SDK2: variants seen among roughly 807,000 people sequenced by gnomAD.
SDK2 encodes the protein protein sidekick-2.
Under a neutral mutation model 253.9 loss-of-function variants are expected in SDK2, and 105 were observed. That is an observed-to-expected ratio of 0.41 (90% CI 0.35 to 0.49). The LOEUF is 0.49. Among genes scored for constraint, SDK2 ranks in the 20% least tolerant of loss-of-function variants. SDK2 has a pLI of 0.06. For missense variants in SDK2, 2,608 were observed against 3,003.0 expected (o/e 0.87, Z 3.07); for synonymous variants, 1,249 against 1,234.9 (o/e 1.01, Z -0.24).
chr17:73,466,045 T>C (rs2063594743), intron 3 of SDK2, among the ~76,000 whole-genome samples: 1 of 152,190 alleles, frequency 6.6e-6, no homozygotes. Flanking sequence ...ACTGAAGTGC[T>C]GAGGGTGAAA....
chr17:73,363,349 T>G (rs1282480406), intron 38 of SDK2, among the ~76,000 whole-genome samples: 1 of 152,154 alleles, frequency 6.6e-6, no homozygotes, highest in Non-Finnish European at 1.5e-5. Flanking sequence ...GGATTGCAGG[T>G]GTGAGCCACT....
Position 73,535,011 on chromosome 17 carries a change from C to A in SDK2, c.65-27414G>T, listed in dbSNP as rs376054904. Reference sequence around the variant, plus strand: ...CCTTGGTGCACAGTTTGAGAAGGAGCCCCCAGGACATCCTGGAATCTGGAG... The same window carrying A: ...CCTTGGTGCACAGTTTGAGAAGGAGACCCCAGGACATCCTGGAATCTGGAG... On this transcript the variant is annotated intron_variant, in intron 1 of 44. Transcript: ENST00000392650. 1.6e-3 allele frequency among the ~76,000 whole-genome samples: 237 copies of A among 152,248 alleles called. 1 individual carries two copies. The highest frequency in any genetic ancestry group is 5.6e-3 in the African/African-American group (231 of 41,550).
rs142909578 is a variant in SDK2, at chr17:73,400,369, G to A, written c.2971+651C>T. ...CTGGAATCCAAGGTGGACCCTCTGG[G>A]CGACAGTGGGAAATTTTCCCCTGAA... On this transcript the variant is annotated intron_variant, in intron 21 of 44. Transcript: ENST00000392650. Among the ~76,000 whole-genome samples, 545 of 152,330 alleles carry A rather than the reference G, an allele frequency of 3.6e-3. 5 individuals carry two copies. Among genetic ancestry groups the A allele is most frequent in the Middle Eastern group, 0.02 (6 of 294 alleles).
rs556952982 is a variant in SDK2, at chr17:73,616,457, GGACCACT to G, written c.64+27561_64+27567del. Reference sequence around the variant, plus strand: ...TTGGGCAGGCTGACCGTGGCCTCAAGGACCACTGTCGCAATGCTTAGGCCTGAGCACG... The same window carrying G: ...TTGGGCAGGCTGACCGTGGCCTCAAGGTCGCAATGCTTAGGCCTGAGCACG... On this transcript the variant is annotated intron_variant, in intron 1 of 44. Coordinates refer to ENST00000392650, the MANE Select transcript of SDK2 (RefSeq NM_001144952.2). The surrounding 1 kb of genome is among the most constrained non-coding windows in gnomAD (Gnocchi z 5.2). Among the ~76,000 whole-genome samples the G allele has an allele frequency of 3.3e-3, 499 of 152,284 alleles. 2 individuals carry two copies. The highest frequency in any genetic ancestry group is 4.8e-3 in the Non-Finnish European group (329 of 68,038).
intron 4 of SDK2, among the ~76,000 whole-genome samples, chr17:73,449,590 GC>G (rs1380567762): frequency 2.8e-5 from 4 of 140,700 alleles, no homozygotes; most frequent in African/African-American, 5.3e-5. Flanking sequence ...CCCTAATGAT[GC>G]CCCCCCACCT....
chr17:73,438,654 A>ACAGC (rs1175828498), intron 6 of SDK2, among the ~76,000 whole-genome samples: 4 of 151,966 alleles, frequency 2.6e-5, no homozygotes, highest in Non-Finnish European at 5.9e-5. Flanking sequence ...AGACAGACAG[A>ACAGC]CAGAAAAACC....
At chr17:73,381,083 G>A in intron 33 of SDK2, 133 bp from the exon 34 acceptor site, 1 of 641,030 alleles carries the variant, frequency 1.6e-6, no homozygotes, top group African/African-American at 1.8e-5. Context: ...CAGGAAGAGT[G>A]TTTCCAAATT....
intron 9 of SDK2, among the ~76,000 whole-genome samples, chr17:73,434,869 A>G (rs1013219917): frequency 6.6e-6 from 1 of 151,914 alleles, no homozygotes; most frequent in Non-Finnish European, 1.5e-5. Flanking sequence ...GGCTCAAGTG[A>G]TCCACCCCCC....
At chr17:73,578,186 A>T (rs1475954146) in intron 1 of SDK2, among the ~76,000 whole-genome samples, 1 of 151,804 alleles carries the variant, frequency 6.6e-6, no homozygotes, top group Admixed American at 6.6e-5. Context: ...CAACCTCCCG[A>T]GTAGCTGGGA....
rs554784782 is a variant in SDK2 at position 73,341,425 on chromosome 17, G to GC, written c.6166-2486dup. Among the ~76,000 whole-genome samples, 61 of 151,904 alleles carry GC rather than the reference G, an allele frequency of 4.0e-4. No individual in the cohort carries two copies. The East Asian group carries it at 0.011, about 27-fold the overall frequency. ...TGAGAGCTAATAAGACAACAGATGG[G>GC]CCCCCCCTCAGAACTCTCTGGAAGA... On this transcript the variant is annotated intron_variant, in intron 44 of 44. Transcript: ENST00000392650.
At chr17:73,359,711 T>A (rs1326101191) in intron 39 of SDK2, among the ~76,000 whole-genome samples, 1 of 152,184 alleles carries the variant, frequency 6.6e-6, no homozygotes, top group African/African-American at 2.4e-5. Flanking sequence ...AGGGGCACGA[T>A]CACAGCTCAC....
At chr17:73,463,927 A>G (rs1260861098) in intron 3 of SDK2, among the ~76,000 whole-genome samples, 1 of 152,160 alleles carries the variant, frequency 6.6e-6, no homozygotes, top group Non-Finnish European at 1.5e-5. Flanking sequence ...TTTTACTAAT[A>G]ACGTTTGCAT....
rs530377528 is a variant in SDK2 at position 73,337,616 on chromosome 17, C to T, written c.*971G>A. ...TCCCCAGCCTTGGGAAGCTGACTAC[C>T]CCTTTAAAGAGAGGACGGATGGAAC... On this transcript the variant is annotated 3_prime_UTR_variant, in exon 45 of 45. Transcript: ENST00000392650. 3 of 152,414 alleles carry T rather than the reference C, an allele frequency of 2.0e-5. No individual in the cohort carries two copies. Among genetic ancestry groups the T allele is most frequent in the African/African-American group, 4.8e-5 (2 of 41,426 alleles). 9.4% of individuals were successfully genotyped at this position (152,414 alleles called of 1,614,324 possible).
At chr17:73,585,098 C>T (rs905520293) in intron 1 of SDK2, among the ~76,000 whole-genome samples, 1 of 152,228 alleles carries the variant, frequency 6.6e-6, no homozygotes, top group Non-Finnish European at 1.5e-5. Context: ...CCCAGCCTCA[C>T]TGAGGCTGCT....
At chr17:73,380,428 T>C (rs1022005717) in intron 34 of SDK2, among the ~76,000 whole-genome samples, 1 of 152,188 alleles carries the variant, frequency 6.6e-6, no homozygotes, top group African/African-American at 2.4e-5. Flanking sequence ...AGCAGGAACA[T>C]GTCTGGTGCA....
chr17:73,388,053 G>A lies in SDK2; in HGVS notation c.4193-16C>T. ...TGCGGACGGTCTGGGAGGTGGCAGA[G>A]GGGGAGGAGCAGGTGAGTGGGCCAG... On this transcript the variant is annotated splice_polypyrimidine_tract_variant and intron_variant, in intron 29 of 44. Coordinates refer to ENST00000392650, the MANE Select transcript of SDK2 (RefSeq NM_001144952.2). The A allele has an allele frequency of 6.4e-7, 1 of 1,555,482 alleles. No individual in the cohort carries two copies.
intron 14 of SDK2, 98 bp downstream of exon 14, chr17:73,423,288 C>G: frequency 8.4e-7 from 1 of 1,194,826 alleles, no homozygotes. Context: ...CTCAAAGGCC[C>G]AGAACTAGGA....
rs558567635 is a variant in SDK2 at position 73,359,492 on chromosome 17, C to T, written c.5468-1288G>A. Reference sequence around the variant, plus strand: ...GGTAGGGCAGGCAGCCCTCAGGACCCTGTACTCATCCTGCACAGGACAGTA... The same window carrying T: ...GGTAGGGCAGGCAGCCCTCAGGACCTTGTACTCATCCTGCACAGGACAGTA... On this transcript the variant is annotated intron_variant, in intron 39 of 44. Transcript: ENST00000392650. 3.3e-4 allele frequency among the ~76,000 whole-genome samples: 51 copies of T among 152,248 alleles called. 1 individual carries two copies. Among genetic ancestry groups the T allele is most frequent in the African/African-American group, 1.2e-3 (49 of 41,560 alleles).
rs1396876726 is a variant in SDK2, at chr17:73,431,852, T to A, written c.1313-183A>T. Among the ~76,000 whole-genome samples, 1 of 152,004 alleles carries A rather than the reference T, an allele frequency of 6.6e-6. No homozygotes were observed. Among genetic ancestry groups the A allele is most frequent in the East Asian group, 1.9e-4 (1 of 5,176 alleles). On this transcript the variant is annotated intron_variant, in intron 10 of 44. Transcript: ENST00000392650. The surrounding 1 kb of genome is among the most constrained non-coding windows in gnomAD (Gnocchi z 5.6). ...TGAGAGACCTGGAGAGCTTTCTGGC[T>A]TAGGGACGGACACGAGGGCACAGGG...
Sources: gnomAD v4.1 joint callset for allele counts (sites outside exome capture counted in the v4.1 genomes callset) on GRCh38, gnomAD v4.1.1 for gene constraint, Gnocchi (gnomAD v3.1) non-coding constraint, MANE v1.5 for transcripts, NCBI Gene and HGNC (gene_info 2026-07-23, HGNC 2026-07-21) for gene names.